The following CRISPLD1 variants were observed in gnomAD, a reference collection of about 807,000 sequenced individuals.
CRISPLD1 encodes the protein cysteine-rich secretory protein LCCL domain-containing 1.
Under a neutral mutation model 77.5 loss-of-function variants are expected in CRISPLD1, and 60 were observed. That is an observed-to-expected ratio of 0.77 (90% CI 0.63 to 0.96). The LOEUF is 0.96. Among genes scored for constraint, CRISPLD1 ranks in the 40% least tolerant of loss-of-function variants. The probability of loss-of-function intolerance (pLI) is 0.00; values close to 1 mark genes in which losing one functional copy is unlikely to be tolerated. For synonymous variants in CRISPLD1, 195 were observed against 200.1 expected, an observed-to-expected ratio of 0.97 and a Z score of 0.22; for missense variants, 623 against 615.8, an observed-to-expected ratio of 1.01 and a Z score of -0.12.
Position 75,014,088 on chromosome 8 carries a change from C to G in CRISPLD1, c.612C>G (p.Cys204Trp), listed in dbSNP as rs1319703585. Residue 204 changes from cysteine (C) to tryptophan (W), a missense_variant, in exon 5 of 15, where the codon TGC (cysteine) becomes TGG (tryptophan). Cys to Trp is a radical substitution (Grantham distance 215). Transcript: ENST00000262207. ...GGCCCAAAGCTGTCTACCTGGTGTG[C>G]AATTACTCCCCAAAGTGAGTAGACA... The part of the protein sequence containing the change: ...QIWPKAVYLV[C>W]NYSPKGNWWG... 1 of 1,605,798 alleles carries G rather than the reference C, an allele frequency of 6.2e-7. No homozygotes were observed. Among genetic ancestry groups the G allele is most frequent in the Non-Finnish European group, 8.5e-7 (1 of 1,172,796 alleles).
rs564871516 is a variant in CRISPLD1 at position 75,017,299 on chromosome 8, T to C, written c.997-21T>C. On this transcript the variant is annotated intron_variant, in intron 9 of 14. Coordinates refer to ENST00000262207, the MANE Select transcript of CRISPLD1 (RefSeq NM_031461.6). ...AACTCTAATATTTTTAACATCTTTT[T>C]ATCTCCTCCTTTTTTCCAAGCAATC... 84 of 1,605,968 alleles carry C rather than the reference T, an allele frequency of 5.2e-5. No individual in the cohort carries two copies. In the Middle Eastern group the frequency reaches 1.0e-3, roughly 19 times the overall value.
chr8:75,030,137 T>C (rs532864983), intron 14 of CRISPLD1, among the ~76,000 whole-genome samples: 33 of 152,274 alleles, frequency 2.2e-4, no homozygotes, highest in African/African-American at 7.9e-4. Context: ...TTATTACTTA[T>C]AAAAGTAATA....
At chr8:75,003,665 A>G (rs1015930638) in intron 2 of CRISPLD1, among the ~76,000 whole-genome samples, 3 of 152,202 alleles carry the variant, frequency 2.0e-5, no homozygotes, top group Admixed American at 6.5e-5. Context: ...CAAGAAGTAA[A>G]GAATATGTAT....
chr8:75,021,781 G>A (rs1813140353), intron 12 of CRISPLD1, among the ~76,000 whole-genome samples: 1 of 152,062 alleles, frequency 6.6e-6, no homozygotes, highest in Non-Finnish European at 1.5e-5. Flanking sequence ...GTATTGCTAG[G>A]TGAAGCTGGT....
rs1813219261 is a variant in CRISPLD1, at chr8:75,025,587, A to G, written c.1286A>G (p.Tyr429Cys). The G allele has an allele frequency of 6.3e-7, 1 of 1,591,642 alleles. No individual in the cohort carries two copies. Among genetic ancestry groups the G allele is most frequent in the South Asian group, 1.1e-5 (1 of 89,850 alleles). The stretch of plus-strand genomic sequence containing the variant: ...AACTGTATGCAAGCAAATCCACATT[A>G]TGCTCGTGTAATTGGAACTCGAGTT... The part of the protein sequence containing the change: ...PRNCMQANPH[Y>C]ARVIGTRVYS... Residue 429 changes from tyrosine to cysteine, a missense_variant, in exon 13 of 15, where the codon TAT becomes TGT. By Grantham distance (194) the Tyr-to-Cys change is radical (BLOSUM62 -2). Transcript: ENST00000262207.
Position 75,016,915 on chromosome 8 carries a change from T to A in CRISPLD1, c.903T>A (p.Asp301Glu), listed in dbSNP as rs766580107. Residue 301 changes from aspartate (D) to glutamate (E), a missense_variant, in exon 8 of 15, where the codon GAT (aspartate) becomes GAA (glutamate). Coordinates refer to ENST00000262207, the MANE Select transcript of CRISPLD1 (RefSeq NM_031461.6). ...QIVSCEVRLR[D>E]QCKGTTCNRY... The stretch of plus-strand genomic sequence containing the variant: ...TTTCTTGTGAAGTAAGATTAAGAGA[T>A]CAGTGCAAAGGAACAACCTGCAATA... The A allele has an allele frequency of 4.5e-6, 7 of 1,572,732 alleles. No individual in the cohort carries two copies. Among genetic ancestry groups the A allele is most frequent in the Non-Finnish European group, 6.0e-6 (7 of 1,157,704 alleles).
Position 75,032,048 on chromosome 8 carries a change from A to G in CRISPLD1, c.1452-143A>G. The G allele has an allele frequency of 3.6e-6, 2 of 551,410 alleles. 1 individual carries two copies. Among genetic ancestry groups the G allele is most frequent in the South Asian group, 5.9e-5 (2 of 33,642 alleles). 34.2% of individuals were successfully genotyped at this position (551,410 alleles called of 1,614,324 possible). On this transcript the variant is annotated intron_variant, in intron 14 of 14. Transcript: ENST00000262207. ...TCCTCATTCGAGCTTTCCAATAACTATAAATTATAGTAGCCTAAGAAAGTT... is the reference window on the plus strand; with the variant it reads ...TCCTCATTCGAGCTTTCCAATAACTGTAAATTATAGTAGCCTAAGAAAGTT...
intron 2 of CRISPLD1, among the ~76,000 whole-genome samples, chr8:75,009,751 T>C (rs572540130): frequency 6.3e-4 from 96 of 152,264 alleles, no homozygotes; most frequent in South Asian, 4.1e-3. Context: ...AGACGATTAC[T>C]TCTCCAACTT....
Position 75,020,075 on chromosome 8 carries a change from C to T in CRISPLD1, c.1240C>T (p.Pro414Ser). Residue 414 changes from proline (P) to serine (S), a missense_variant, in exon 12 of 15, where the codon CCA becomes TCA. By Grantham distance (74) the Pro-to-Ser change is moderately conservative (BLOSUM62 -1). Coordinates refer to ENST00000262207, the MANE Select transcript of CRISPLD1 (RefSeq NM_031461.6). ...ATTTCATAAGCCTGCTTCACATTGCCCAAGGTAAACCAGTGTACACATAGG... is the reference window on the plus strand; with the variant it reads ...ATTTCATAAGCCTGCTTCACATTGCTCAAGGTAAACCAGTGTACACATAGG... ...CPFHKPASHC[P>S]RVYCPRNCMQ... 6.2e-7 allele frequency: 1 copy of T among 1,613,486 alleles called. No individual in the cohort carries two copies. Among genetic ancestry groups the T allele is most frequent in the Non-Finnish European group, 8.5e-7 (1 of 1,179,512 alleles).
At position 75,033,885 on chromosome 8, in the gene CRISPLD1, T is replaced by C. The variant is rs1231293047; in HGVS notation, c.*1643T>C. 1 of 152,066 alleles carries C rather than the reference T, an allele frequency of 6.6e-6. No individual in the cohort carries two copies. Among genetic ancestry groups the C allele is most frequent in the Non-Finnish European group, 1.5e-5 (1 of 67,916 alleles). The allele number at this position is 152,066 out of a possible 1,614,324, so 9.4% of individuals were successfully genotyped here. A position where few individuals can be genotyped will look rare whatever the true frequency, so the allele number is the denominator to read the frequency against. On this transcript the variant is annotated 3_prime_UTR_variant, in exon 15 of 15. Coordinates refer to ENST00000262207, the MANE Select transcript of CRISPLD1 (RefSeq NM_031461.6). ...AAGCAGATTTTTATGGGAACTTTTT[T>C]CGAAAGGATACATGACCACCTTCTT...
rs1393754105 is a variant in CRISPLD1 at position 75,032,653 on chromosome 8, A to G, written c.*411A>G. 1.3e-5 allele frequency: 2 copies of G among 153,642 alleles called. No individual in the cohort carries two copies. Among genetic ancestry groups the G allele is most frequent in the African/African-American group, 2.4e-5 (1 of 41,492 alleles). The allele number at this position is 153,642 out of a possible 1,614,324, so 9.5% of individuals were successfully genotyped here. Reference sequence around the variant, plus strand: ...ATAATCGACTCTAAAACTGAAAGAAACCTTATCACATTTTCCCCAGTTCAA... The same window carrying G: ...ATAATCGACTCTAAAACTGAAAGAAGCCTTATCACATTTTCCCCAGTTCAA... On this transcript the variant is annotated 3_prime_UTR_variant, in exon 15 of 15. Coordinates refer to ENST00000262207, the MANE Select transcript of CRISPLD1 (RefSeq NM_031461.6).
chr8:75,012,580 G>GA (rs778970505), intron 3 of CRISPLD1, 29 bp downstream of exon 3: 10 of 1,404,260 alleles, frequency 7.1e-6, no homozygotes, highest in Non-Finnish European at 1.0e-5. Flanking sequence ...TTTTCTTTAT[G>GA]AAAAAATAAG....
chr8:75,029,780 A>G (rs1378620), intron 14 of CRISPLD1, among the ~76,000 whole-genome samples: 57,648 of 151,948 alleles, frequency 0.38, 12,061 homozygotes, highest in African/African-American at 0.57. Flanking sequence ...TTTGTTAATT[A>G]GTCTTATAAT....
chr8:75,017,379 G>T lies in CRISPLD1; in HGVS notation c.1056G>T (p.Trp352Cys), dbSNP rs1813052073. ...HYGIIDNDGG[W>C]VDITRQGRKH... ...GTATAATAGACAATGATGGTGGCTG[G>T]GTAGATATCACTAGACAAGGAAGAA... Residue 352 changes from tryptophan (W) to cysteine (C), a missense_variant, in exon 10 of 15, where the codon TGG becomes TGT. Trp to Cys is a radical substitution (Grantham distance 215). Transcript: ENST00000262207. 1 of 1,610,830 alleles carries T rather than the reference G, an allele frequency of 6.2e-7. No individual in the cohort carries two copies. Among genetic ancestry groups the T allele is most frequent in the Admixed American group, 1.7e-5 (1 of 59,574 alleles).
At chr8:75,005,123 T>G (rs1812806629) in intron 2 of CRISPLD1, among the ~76,000 whole-genome samples, 1 of 152,090 alleles carries the variant, frequency 6.6e-6, no homozygotes, top group African/African-American at 2.4e-5. Flanking sequence ...TGAGAACAGC[T>G]TTTGCTTCTT....
Position 74,984,589 on chromosome 8 carries a change from C to G in CRISPLD1, c.-394C>G, listed in dbSNP as rs1003006978. On this transcript the variant is annotated 5_prime_UTR_variant, in exon 1 of 15. Transcript: ENST00000262207. ...GCCGCCAGCCTCCGCCGCCGAGCCTCGTTCGTGTCCCCGCCCCTCGCTCCT... is the reference window on the plus strand; with the variant it reads ...GCCGCCAGCCTCCGCCGCCGAGCCTGGTTCGTGTCCCCGCCCCTCGCTCCT... The G allele has an allele frequency of 1.3e-5, 2 of 152,754 alleles. No homozygotes were observed. The highest frequency in any genetic ancestry group is 4.8e-5 in the African/African-American group (2 of 41,484). The allele number at this position is 152,754 out of a possible 1,614,324, so 9.5% of individuals were successfully genotyped here. A position where few individuals can be genotyped will look rare whatever the true frequency, so the allele number is the denominator to read the frequency against.
intron 14 of CRISPLD1, among the ~76,000 whole-genome samples, chr8:75,030,317 C>T (rs531044758): frequency 6.6e-6 from 1 of 152,154 alleles, no homozygotes; most frequent in Admixed American, 6.6e-5. Context: ...CACAAAAATA[C>T]AAATCTGCAT....
chr8:75,030,684 G>GTC lies in CRISPLD1; in HGVS notation c.1451+1168_1451+1169insCT, dbSNP rs1307445263. 1.2e-4 allele frequency among the ~76,000 whole-genome samples: 18 copies of GTC among 148,344 alleles called. No homozygotes were observed. In the South Asian group the frequency reaches 2.3e-3, roughly 19 times the overall value. On this transcript the variant is annotated intron_variant, in intron 14 of 14. Coordinates refer to ENST00000262207, the MANE Select transcript of CRISPLD1 (RefSeq NM_031461.6). The stretch of plus-strand genomic sequence containing the variant: ...CAGGCCTATACCCGGAGATATATGT[G>GTC]TGTGTGTGTGTGTGTGTGTGTGTAT...
chr8:74,999,978 A>G (rs961478941), intron 2 of CRISPLD1, among the ~76,000 whole-genome samples: 7 of 150,958 alleles, frequency 4.6e-5, no homozygotes, highest in African/African-American at 1.7e-4. Flanking sequence ...TAAAGGCCAT[A>G]TGAGTAAGAA....
Sources: allele counts gnomAD v4.1 joint callset (sites outside exome capture counted in the v4.1 genomes callset), GRCh38; gene constraint gnomAD v4.1.1; transcripts MANE v1.5; gene names NCBI Gene and HGNC (gene_info 2026-07-23, HGNC 2026-07-21).